RGS17: variants seen among roughly 807,000 people sequenced by gnomAD.
RGS17 encodes the protein regulator of G protein signaling 17.
A neutral mutation model predicts 25.5 loss-of-function variants in RGS17; 12 were observed. The observed-to-expected ratio is 0.47, with a 90% CI of 0.30 to 0.76. RGS17 has a LOEUF of 0.76. Among genes scored for constraint, RGS17 ranks in the 30% least tolerant of loss-of-function variants. The pLI, the probability that RGS17 is intolerant of heterozygous loss-of-function variation, is 0.07. For missense variants in RGS17, 196 were observed against 242.2 expected, an observed-to-expected ratio of 0.81 and a Z score of 1.27; for synonymous variants, 71 against 76.9, an observed-to-expected ratio of 0.92 and a Z score of 0.40.
intron 1 of RGS17, among the ~76,000 whole-genome samples, chr6:153,111,841 G>A (rs1430416763): frequency 1.3e-5 from 2 of 152,126 alleles, no homozygotes; most frequent in African/African-American, 4.8e-5. Context: ...GCAGCAGGGG[G>A]GCCTGACTGT....
At chr6:153,034,012 T>G (rs1464501206) in intron 2 of RGS17, among the ~76,000 whole-genome samples, 1 of 152,178 alleles carries the variant, frequency 6.6e-6, no homozygotes, top group Non-Finnish European at 1.5e-5. Flanking sequence ...CAATTGGAGC[T>G]CCAGTTTCTG....
Position 153,093,135 on chromosome 6 carries a change from T to C in RGS17, c.-26+37989A>G, listed in dbSNP as rs1777156315. ...TTTATTTTTTAAGATATCATACATCTAGTGTCTCATTTGATTCTAATTTTG... is the reference window on the plus strand; with the variant it reads ...TTTATTTTTTAAGATATCATACATCCAGTGTCTCATTTGATTCTAATTTTG... On this transcript the variant is annotated intron_variant, in intron 1 of 4. Transcript: ENST00000206262. Among the ~76,000 whole-genome samples, 3 of 152,368 alleles carry C rather than the reference T, an allele frequency of 2.0e-5. No homozygotes were observed. In the South Asian group the frequency reaches 6.2e-4, roughly 32 times the overall value.
rs1779072625 is a variant in RGS17, at chr6:153,006,210, C to T, written c.*5364G>A. ...GTAAAATTGTTAAAGAAAATCATACCACCTTAATATTAAAAAGAGTGTTTT... is the reference window on the plus strand; with the variant it reads ...GTAAAATTGTTAAAGAAAATCATACTACCTTAATATTAAAAAGAGTGTTTT... On this transcript the variant is annotated 3_prime_UTR_variant, in exon 5 of 5. Coordinates refer to ENST00000206262, the MANE Select transcript of RGS17 (RefSeq NM_012419.5). 6.6e-6 allele frequency: 1 copy of T among 152,000 alleles called. No individual in the cohort carries two copies. 9.4% of individuals were successfully genotyped at this position (152,000 alleles called of 1,614,324 possible).
At position 153,121,254 on chromosome 6, in the gene RGS17, G is replaced by A. The variant is rs1167066642; in HGVS notation, c.-26+9870C>T. 7.9e-5 allele frequency among the ~76,000 whole-genome samples: 12 copies of A among 152,210 alleles called. No individual in the cohort carries two copies. In the East Asian group the frequency reaches 1.5e-3, roughly 20 times the overall value. On this transcript the variant is annotated intron_variant, in intron 1 of 4. Transcript: ENST00000206262. ...CACAGGCTGTATTTACCAATGCACCGAAAGACTTTTCTCTCTTTCCTTTGT... is the reference window on the plus strand; with the variant it reads ...CACAGGCTGTATTTACCAATGCACCAAAAGACTTTTCTCTCTTTCCTTTGT...
At chr6:153,103,646 C>G (rs535075335) in intron 1 of RGS17, among the ~76,000 whole-genome samples, 89 of 152,326 alleles carry the variant, frequency 5.8e-4, no homozygotes, top group Non-Finnish European at 1.0e-3. Context: ...AAATGCCAGC[C>G]TATTCTTGAG....
intron 4 of RGS17, among the ~76,000 whole-genome samples, chr6:153,021,930 A>G (rs1168805944): frequency 3.9e-5 from 6 of 152,166 alleles, no homozygotes; most frequent in Admixed American, 3.9e-4. Context: ...GAAAACGGCC[A>G]GGCGCAGTGG....
chr6:153,018,400 G>GT (rs1376573251), intron 4 of RGS17, among the ~76,000 whole-genome samples: 1 of 152,128 alleles, frequency 6.6e-6, no homozygotes, highest in East Asian at 1.9e-4. Flanking sequence ...ACCTCTTTGA[G>GT]TATCAGTTTC....
chr6:153,060,428 C>A (rs897180983), intron 1 of RGS17, among the ~76,000 whole-genome samples: 48 of 152,258 alleles, frequency 3.2e-4, no homozygotes, highest in African/African-American at 1.2e-3. Context: ...CCCTCCTGGC[C>A]TTTGGGAAGG....
At chr6:153,037,557 C>A (rs1776265680) in intron 2 of RGS17, among the ~76,000 whole-genome samples, 1 of 151,950 alleles carries the variant, frequency 6.6e-6, no homozygotes, top group African/African-American at 2.4e-5. Flanking sequence ...TCCTGAGTAG[C>A]TGGGATTACA....
chr6:153,111,333 A>C (rs1299040380), intron 1 of RGS17, among the ~76,000 whole-genome samples: 2 of 152,158 alleles, frequency 1.3e-5, no homozygotes, highest in African/African-American at 4.8e-5. Context: ...AGGAAGTTCA[A>C]ACTGGGCTGA....
At chr6:153,077,869 T>A (rs575655717) in intron 1 of RGS17, among the ~76,000 whole-genome samples, 1 of 129,318 alleles carries the variant, frequency 7.7e-6, no homozygotes, top group East Asian at 2.2e-4. Flanking sequence ...TGACTTACAG[T>A]ATCTTTTTTA....
chr6:153,091,813 G>A (rs1036580261), intron 1 of RGS17, among the ~76,000 whole-genome samples: 3 of 151,978 alleles, frequency 2.0e-5, no homozygotes, highest in African/African-American at 4.8e-5. Context: ...ATGCCCAGCC[G>A]GCATACTTCA....
chr6:153,035,879 C>T (rs1776233053), intron 2 of RGS17, among the ~76,000 whole-genome samples: 2 of 152,122 alleles, frequency 1.3e-5, no homozygotes, highest in African/African-American at 2.4e-5. Context: ...AGTTCTTCCT[C>T]GTTGTACATC....
At chr6:153,053,977 GTATATATGTATATAATATATATACA>G (rs1776504343) in intron 1 of RGS17, among the ~76,000 whole-genome samples, 1 of 22,706 alleles carries the variant, frequency 4.4e-5, no homozygotes, top group Non-Finnish European at 8.0e-5. Context: ...ACATATATAT[GTATATATGTATATAATATATATACA>G]TATATACGTA....
At chr6:153,117,849 G>A (rs776058074) in intron 1 of RGS17, among the ~76,000 whole-genome samples, 11 of 152,146 alleles carry the variant, frequency 7.2e-5, no homozygotes, top group Admixed American at 7.2e-4. Context: ...TGGTGTACTA[G>A]CTTACATTCT....
chr6:153,027,276 CAAGAAT>C (rs1035658448), intron 2 of RGS17, among the ~76,000 whole-genome samples: 11 of 151,910 alleles, frequency 7.2e-5, no homozygotes, highest in Non-Finnish European at 1.6e-4. Context: ...TAGCCCAGAA[CAAGAAT>C]AAGAATAAGA....
intron 2 of RGS17, among the ~76,000 whole-genome samples, chr6:153,036,829 T>G (rs1292834): frequency 0.91 from 137,675 of 151,846 alleles, 62,615 homozygotes; most frequent in African/African-American, 0.98. Flanking sequence ...CTTTCTGTTG[T>G]GCCCCACCAT....
chr6:153,098,630 C>A (rs1777252496), intron 1 of RGS17, among the ~76,000 whole-genome samples: 1 of 151,962 alleles, frequency 6.6e-6, no homozygotes, highest in Non-Finnish European at 1.5e-5. Context: ...ACCTAAGGGA[C>A]AGGCAATTGA....
intron 1 of RGS17, among the ~76,000 whole-genome samples, chr6:153,073,288 G>A (rs1346116472): frequency 6.6e-6 from 1 of 152,090 alleles, no homozygotes; most frequent in Non-Finnish European, 1.5e-5. Flanking sequence ...CCCAGCCCAG[G>A]AGATGCAGTA....
Sources: allele counts gnomAD v4.1 joint callset (sites outside exome capture counted in the v4.1 genomes callset), GRCh38; gene constraint gnomAD v4.1.1; transcripts MANE v1.5; gene names NCBI Gene and HGNC (gene_info 2026-07-23, HGNC 2026-07-21).